EML4: variants seen among roughly 807,000 people sequenced by gnomAD.
EML4 encodes the protein EMAP like 4, also known as echinoderm microtubule-associated protein-like 4.
EML4 carries 72 observed loss-of-function variants against 129.0 expected under a neutral mutation model. That is an observed-to-expected ratio of 0.56 (90% confidence interval 0.46 to 0.68). The LOEUF (loss-of-function observed/expected upper bound fraction) is 0.68. Among genes scored for constraint, EML4 ranks in the 30% least tolerant of loss-of-function variants. The pLI, the probability that EML4 is intolerant of heterozygous loss-of-function variation, is 0.00. For synonymous variants in EML4, 532 were observed against 405.0 expected, an observed-to-expected ratio of 1.31 and a Z score of -3.77; for missense variants, 1,363 against 1,190.6, an observed-to-expected ratio of 1.14 and a Z score of -2.13.
intron 1 of EML4, among the ~76,000 whole-genome samples, chr2:42,216,590 A>G (rs1427458630): frequency 2.0e-5 from 3 of 152,174 alleles, no homozygotes; most frequent in Non-Finnish European, 4.4e-5. Context: ...TAGTATGAGT[A>G]CAGCTACTCT....
Position 42,222,899 on chromosome 2 carries a change from C to T in EML4, c.26-22606C>T, listed in dbSNP as rs776548656. ...CTGCAAGCTCCGCCTCCCGGGTTCA[C>T]GCCATTCTCCTGCCTCAGCCTCCCA... On this transcript the variant is annotated intron_variant, in intron 1 of 22. Transcript: ENST00000318522. Among the ~76,000 whole-genome samples, 28 of 152,102 alleles carry T rather than the reference C, an allele frequency of 1.8e-4. 1 individual carries two copies. The highest frequency in any genetic ancestry group is 7.7e-4 in the East Asian group (4 of 5,172).
intron 8 of EML4, among the ~76,000 whole-genome samples, chr2:42,283,821 G>A (rs1667145004): frequency 6.6e-6 from 1 of 152,202 alleles, no homozygotes; most frequent in African/African-American, 2.4e-5. Flanking sequence ...TGGTGAGGTT[G>A]TAGTGTACCT....
chr2:42,301,769 A>G (rs1668299915), intron 14 of EML4, among the ~76,000 whole-genome samples: 1 of 151,904 alleles, frequency 6.6e-6, no homozygotes, highest in African/African-American at 2.4e-5. Flanking sequence ...TAAAAAGAGG[A>G]TCCTGATAGT....
In EML4 at chr2:42,303,320, T is replaced by C. The variant is rs1668400571; in HGVS notation, c.1773T>C (p.His591=). The change falls in exon 16 of 23, where the codon CAT becomes CAC. Residue 591 remains histidine (H), a synonymous_variant. Coordinates refer to ENST00000318522, the MANE Select transcript of EML4 (RefSeq NM_019063.5). ...TGAGTGTCTTTCATTTTCAGGGTCA[T>C]ACAGATGAGCTTTGGGGTCTTGCCA... ...NDGFQIEVQG[H]TDELWGLATH... 2 of 1,614,092 alleles carry C rather than the reference T, an allele frequency of 1.2e-6. No individual in the cohort carries two copies. The highest frequency in any genetic ancestry group is 2.2e-5 in the East Asian group (1 of 44,894).
At chr2:42,321,247 G>A (rs541909907) in intron 19 of EML4, among the ~76,000 whole-genome samples, 5 of 152,036 alleles carry the variant, frequency 3.3e-5, no homozygotes, top group Admixed American at 2.6e-4. Flanking sequence ...GCCGGGCGTG[G>A]TGGCGGGTGC....
chr2:42,208,507 T>G (rs1454415868), intron 1 of EML4, among the ~76,000 whole-genome samples: 1 of 151,322 alleles, frequency 6.6e-6, no homozygotes, highest in Non-Finnish European at 1.5e-5. Flanking sequence ...CAATCTCGGC[T>G]GATTGCAACC....
intron 13 of EML4, among the ~76,000 whole-genome samples, chr2:42,298,682 G>A (rs568528324): frequency 2.6e-5 from 4 of 152,068 alleles, no homozygotes; most frequent in Non-Finnish European, 4.4e-5. Context: ...TTCTGATGAA[G>A]CATTTTTTTC....
intron 3 of EML4, 116 bp downstream of exon 3, chr2:42,256,746 TTTGAA>T (rs1676179948): frequency 7.9e-7 from 1 of 1,271,184 alleles, no homozygotes; most frequent in Non-Finnish European, 1.1e-6. Flanking sequence ...GAGCATGTCC[TTTGAA>T]TTCTTAAACT....
Position 42,241,873 on chromosome 2 carries a change from T to TGG in EML4, c.26-3632_26-3631insGG, listed in dbSNP as rs1033165271. On this transcript the variant is annotated intron_variant, in intron 1 of 22. Transcript: ENST00000318522. Reference sequence around the variant, plus strand: ...TAGATTGTGTGTGTATGTGTGTGTGTCGGGGGGGGGAAGCTGAGGTAATAA... The same window carrying TGG: ...TAGATTGTGTGTGTATGTGTGTGTGTGGCGGGGGGGGGAAGCTGAGGTAATAA... 2.0e-3 allele frequency among the ~76,000 whole-genome samples: 268 copies of TGG among 131,560 alleles called. 4 individuals are homozygous for TGG. The highest frequency in any genetic ancestry group is 8.5e-3 in the African/African-American group (258 of 30,186). The allele number at this position is 131,560 out of a possible 152,430, so 86.3% of individuals were successfully genotyped here. A position where few individuals can be genotyped will look rare whatever the true frequency, so the allele number is the denominator to read the frequency against.
At chr2:42,256,839 C>G (rs903238503) in intron 3 of EML4, among the ~76,000 whole-genome samples, 1 of 152,182 alleles carries the variant, frequency 6.6e-6, no homozygotes, top group Non-Finnish European at 1.5e-5. Flanking sequence ...GGAAGCTTTC[C>G]GTTCTCACTA....
chr2:42,276,977 C>T (rs921117235), intron 6 of EML4, among the ~76,000 whole-genome samples: 1 of 152,094 alleles, frequency 6.6e-6, no homozygotes, highest in African/African-American at 2.4e-5. Flanking sequence ...TGCTTTTCTA[C>T]TTGGTTTCTT....
intron 1 of EML4, among the ~76,000 whole-genome samples, chr2:42,241,777 G>T (rs531014399): frequency 6.6e-6 from 1 of 151,854 alleles, no homozygotes; most frequent in Admixed American, 6.6e-5. Context: ...CTTTGAGTCT[G>T]AGATACCTAG....
At chr2:42,253,183 A>T (rs1293284695) in intron 2 of EML4, among the ~76,000 whole-genome samples, 6 of 152,306 alleles carry the variant, frequency 3.9e-5, no homozygotes, top group African/African-American at 1.4e-4. Context: ...AGGGTGTAAG[A>T]TTGGGAGTTT....
At chr2:42,202,456 A>G (rs1171363921) in intron 1 of EML4, among the ~76,000 whole-genome samples, 1 of 152,124 alleles carries the variant, frequency 6.6e-6, no homozygotes, top group African/African-American at 2.4e-5. Flanking sequence ...AAGTAACAGG[A>G]TACATGTATA....
intron 6 of EML4, chr2:42,265,063 A>G (rs1386042144): frequency 2.0e-6 from 2 of 1,024,706 alleles, no homozygotes; most frequent in South Asian, 1.5e-5. Flanking sequence ...AAGGAAATAC[A>G]GTGATTTGAG....
At chr2:42,287,166 T>C (rs999497404) in intron 10 of EML4, among the ~76,000 whole-genome samples, 13 of 152,198 alleles carry the variant, frequency 8.5e-5, no homozygotes, top group Non-Finnish European at 1.0e-4. Flanking sequence ...TATGGGAGTT[T>C]TGTGGGACAT....
intron 1 of EML4, among the ~76,000 whole-genome samples, chr2:42,184,785 C>G (rs1056399871): frequency 5.3e-5 from 8 of 151,986 alleles, no homozygotes; most frequent in Non-Finnish European, 8.8e-5. Context: ...ATATATTTGC[C>G]TTATGTTCTT....
chr2:42,188,296 A>G (rs1322448844), intron 1 of EML4, among the ~76,000 whole-genome samples: 1 of 152,198 alleles, frequency 6.6e-6, no homozygotes, highest in Non-Finnish European at 1.5e-5. Context: ...GAAATGGAAA[A>G]TAATGTAGAG....
intron 2 of EML4, among the ~76,000 whole-genome samples, chr2:42,252,734 A>C (rs2374405): frequency 0.13 from 19,529 of 151,912 alleles, 1,254 homozygotes; most frequent in East Asian, 0.18. Context: ...ATAGGATCCC[A>C]TTGTCTTATC....
Sources: allele counts gnomAD v4.1 joint callset (sites outside exome capture counted in the v4.1 genomes callset), GRCh38; gene constraint gnomAD v4.1.1; transcripts MANE v1.5; gene names NCBI Gene and HGNC (gene_info 2026-07-23, HGNC 2026-07-21).